The following GARIN5A variants were observed in gnomAD, a reference collection of about 807,000 sequenced individuals.
GARIN5A encodes the protein Golgi-associated RAB2 interactor protein 5A.
At chr19:50,470,681 G>A in the GARIN5A span, among the ~76,000 whole-genome samples, 3 of 144,880 alleles carry the variant, frequency 2.1e-5, no homozygotes, top group Non-Finnish European at 4.5e-5. Flanking sequence ...TTGAGATGGA[G>A]TCTCGCACTG....
chr19:50,476,271 C>T, the GARIN5A span: 1 of 1,608,834 alleles, frequency 6.2e-7, no homozygotes. Context: ...ACTACGCGCA[C>T]TGTGACGTCA....
chr19:50,476,413 C>T, the GARIN5A span: 75 of 1,545,068 alleles, frequency 4.9e-5, no homozygotes, highest in Non-Finnish European at 6.3e-5. Context: ...GCCCCAGGTG[C>T]GGACGGGTGC....
chr19:50,476,191 C>G, the GARIN5A span: 4 of 1,613,758 alleles, frequency 2.5e-6, no homozygotes, highest in Admixed American at 5.0e-5. Flanking sequence ...GGCCGCGATC[C>G]CGCCTCATTG....
chr19:50,468,363 CAAA>C, the GARIN5A span, among the ~76,000 whole-genome samples: 150 of 77,042 alleles, frequency 1.9e-3, no homozygotes, highest in African/African-American at 3.4e-3. Context: ...GACTGTGTCT[CAAA>C]AAAAAAAAAA....
the GARIN5A span, among the ~76,000 whole-genome samples, chr19:50,472,051 T>C: frequency 1.4e-5 from 2 of 142,250 alleles, no homozygotes; most frequent in Non-Finnish European, 3.0e-5. Flanking sequence ...TATATGTATA[T>C]ATACGTGTGT....
At chr19:50,476,499 G>A in the GARIN5A span, 12 of 1,570,860 alleles carry the variant, frequency 7.6e-6, no homozygotes, top group Middle Eastern at 6.8e-4. Context: ...CGTGCTCCGC[G>A]GCTCTTGGCT....
the GARIN5A span, chr19:50,476,609 C>A: frequency 6.4e-7 from 1 of 1,562,390 alleles, no homozygotes; most frequent in East Asian, 2.4e-5. Flanking sequence ...GTAGCAGCGC[C>A]CAGTCGAGCC....
At chr19:50,471,814 A>G in the GARIN5A span, among the ~76,000 whole-genome samples, 47 of 148,754 alleles carry the variant, frequency 3.2e-4, no homozygotes, top group Non-Finnish European at 5.7e-4. Context: ...ACGCATACAT[A>G]CCTGTGTGTA....
chr19:50,472,635 G>A, the GARIN5A span, among the ~76,000 whole-genome samples: 4 of 152,140 alleles, frequency 2.6e-5, no homozygotes, highest in African/African-American at 9.7e-5. Flanking sequence ...TGGGTCACAC[G>A]TATAGTCCCA....
the GARIN5A span, chr19:50,475,557 G>C: frequency 2.6e-6 from 3 of 1,167,870 alleles, no homozygotes; most frequent in African/African-American, 3.0e-5. Context: ...TCATGAACCA[G>C]GTGAGTTGAA....
chr19:50,467,567 C>T, the GARIN5A span: 2 of 1,538,298 alleles, frequency 1.3e-6, no homozygotes, highest in Middle Eastern at 1.7e-4. Context: ...TCCTCCCACT[C>T]CCTCTGGGCC....
the GARIN5A span, chr19:50,476,412 G>A: frequency 3.9e-6 from 6 of 1,546,052 alleles, no homozygotes; most frequent in Non-Finnish European, 5.2e-6. Context: ...GGCCCCAGGT[G>A]CGGACGGGTG....
At chr19:50,476,034 G>A in the GARIN5A span, 3 of 1,604,542 alleles carry the variant, frequency 1.9e-6, no homozygotes, top group Non-Finnish European at 1.7e-6. Context: ...GCCCCGCGGA[G>A]AGGACGGGGT....
At chr19:50,467,505 C>T in the GARIN5A span, 2 of 1,228,918 alleles carry the variant, frequency 1.6e-6, no homozygotes, top group Admixed American at 4.2e-5. Flanking sequence ...AGTCCTCAGA[C>T]ACCTCCCCTC....
the GARIN5A span, chr19:50,476,577 GCT>G: frequency 1.3e-6 from 2 of 1,575,784 alleles, no homozygotes; most frequent in Non-Finnish European, 1.7e-6. Flanking sequence ...CAACCCGGCT[GCT>G]CCTGCTCTTG....
chr19:50,469,021 A>G, the GARIN5A span, among the ~76,000 whole-genome samples: 7,538 of 152,212 alleles, frequency 0.05, 408 homozygotes, highest in African/African-American at 0.13. Context: ...GTCCCCCAGA[A>G]GGCGCAGGTC....
At chr19:50,472,098 G>A in the GARIN5A span, among the ~76,000 whole-genome samples, 1 of 139,960 alleles carries the variant, frequency 7.1e-6, no homozygotes. Flanking sequence ...ATATGTATAT[G>A]TATATATACG....
the GARIN5A span, among the ~76,000 whole-genome samples, chr19:50,469,316 T>C: frequency 1.3e-5 from 2 of 152,166 alleles, no homozygotes; most frequent in Non-Finnish European, 2.9e-5. Flanking sequence ...TCAGGAGGCA[T>C]GTTCTCAGGG....
At chr19:50,471,711 T>C in the GARIN5A span, among the ~76,000 whole-genome samples, 1 of 149,818 alleles carries the variant, frequency 6.7e-6, no homozygotes, top group Non-Finnish European at 1.5e-5. Context: ...CATGCACGTG[T>C]GTGTATACGC....
Sources: gnomAD v4.1 joint callset for allele counts (sites outside exome capture counted in the v4.1 genomes callset) on GRCh38, gnomAD v4.1.1 for gene constraint, MANE v1.5 for transcripts, NCBI Gene and HGNC (gene_info 2026-07-23, HGNC 2026-07-21) for gene names.